Variants in FLYWCH2 observed in about 807,000 individuals in gnomAD.
The protein encoded by FLYWCH2 is FLYWCH family member 2.
Under a neutral mutation model 6.0 loss-of-function variants are expected in FLYWCH2, and 2 were observed. The observed-to-expected ratio is 0.33, with a 90% CI of 0.14 to 1.04. The LOEUF is 1.04. Among genes scored for constraint, FLYWCH2 ranks in the 50% least tolerant of loss-of-function variants. The probability of loss-of-function intolerance (pLI) is 0.45; values close to 1 mark genes in which losing one functional copy is unlikely to be tolerated. For synonymous variants in FLYWCH2, 87 were observed against 79.3 expected (o/e 1.10, Z -0.52); for missense variants, 192 against 183.4 (o/e 1.05, Z -0.27).
chr16:2,884,578 T>C lies in FLYWCH2; in HGVS notation c.-200+1212T>C, dbSNP rs7498494. On this transcript the variant is annotated intron_variant, in intron 1 of 3. Coordinates refer to ENST00000396958, the MANE Select transcript of FLYWCH2 (RefSeq NM_138439.3). The stretch of plus-strand genomic sequence containing the variant: ...TCTACTAAAAAAAAAAAAAAAAAAA[T>C]ACAAAAATTAGTCGGGGCCGGCGCG... Among the ~76,000 whole-genome samples the C allele has an allele frequency of 3.0e-3, 203 of 67,002 alleles. 5 individuals are homozygous for C. The highest frequency in any genetic ancestry group is 4.8e-3 in the Non-Finnish European group (173 of 36,076). 44.0% of individuals were successfully genotyped at this position (67,002 alleles called of 152,430 possible).
In FLYWCH2 at chr16:2,896,942, G is replaced by A. The variant is rs1200032946; in HGVS notation, c.322+171G>A. The A allele has an allele frequency of 4.5e-5, 30 of 668,002 alleles. No homozygotes were observed. The South Asian group carries it at 5.0e-4, about 11-fold the overall frequency. 41.4% of individuals were successfully genotyped at this position (668,002 alleles called of 1,614,324 possible). A position where few individuals can be genotyped will look rare whatever the true frequency, so the allele number is the denominator to read the frequency against. ...GGTTAGGGCACAGGCCTGGGCATCC[G>A]CCGACCTCCAACCCTGCCTCTGAGC... On this transcript the variant is annotated intron_variant, in intron 3 of 3. Transcript: ENST00000396958.
In FLYWCH2 at chr16:2,896,428, G is replaced by A. The variant is rs950929901; in HGVS notation, c.-22G>A. ...CTGCTGGGGGCTGAGTGTGGCCTGA[G>A]GGACAGGCCCTGGGTCCCGGGATGC... On this transcript the variant is annotated 5_prime_UTR_variant, in exon 3 of 4. Coordinates refer to ENST00000396958, the MANE Select transcript of FLYWCH2 (RefSeq NM_138439.3). 3 of 1,593,938 alleles carry A rather than the reference G, an allele frequency of 1.9e-6. No individual in the cohort carries two copies. Among genetic ancestry groups the A allele is most frequent in the South Asian group, 2.3e-5 (2 of 88,336 alleles).
chr16:2,899,382 A>G, downstream of FLYWCH2: 1 of 394,880 alleles, frequency 2.5e-6, no homozygotes, highest in Non-Finnish European at 4.5e-6. Flanking sequence ...GGTTTTAAAC[A>G]TCCCAGGCTT....
At chr16:2,895,889 C>T (rs900975564) in intron 2 of FLYWCH2, among the ~76,000 whole-genome samples, 1 of 152,196 alleles carries the variant, frequency 6.6e-6, no homozygotes, top group Non-Finnish European at 1.5e-5. Context: ...GCTCTGTGTC[C>T]ACTCCATCTC....
intron 1 of FLYWCH2, among the ~76,000 whole-genome samples, chr16:2,893,883 C>A (rs1456049537): frequency 6.6e-6 from 1 of 151,948 alleles, no homozygotes; most frequent in Admixed American, 6.6e-5. Context: ...TGTGATCCGC[C>A]CGCCTCGGCC....
At chr16:2,897,020 T>G in intron 3 of FLYWCH2, 1 of 565,658 alleles carries the variant, frequency 1.8e-6, no homozygotes, top group Non-Finnish European at 3.1e-6. Flanking sequence ...GCCTACTGGC[T>G]CCTTCACAAG....
intron 2 of FLYWCH2, 26 bp from the exon 3 acceptor site, chr16:2,896,326 T>G: frequency 7.8e-7 from 1 of 1,285,678 alleles, no homozygotes; most frequent in Non-Finnish European, 1.0e-6. Context: ...CTTCCACCAC[T>G]GACGGGATTT....
intron 1 of FLYWCH2, among the ~76,000 whole-genome samples, chr16:2,884,880 C>G (rs919994203): frequency 7.2e-6 from 1 of 138,772 alleles, no homozygotes; most frequent in Non-Finnish European, 1.6e-5. Flanking sequence ...GTCTAAAAAA[C>G]AAAAACAAAA....
At chr16:2,888,153 T>G (rs2069719455) in intron 1 of FLYWCH2, among the ~76,000 whole-genome samples, 1 of 151,920 alleles carries the variant, frequency 6.6e-6, no homozygotes, top group Admixed American at 6.6e-5. Context: ...TGACTATAGT[T>G]GCATGCCGCC....
chr16:2,891,637 C>G (rs1210543105), intron 1 of FLYWCH2, among the ~76,000 whole-genome samples: 1 of 152,092 alleles, frequency 6.6e-6, no homozygotes, highest in African/African-American at 2.4e-5. Flanking sequence ...GATCTCCTGA[C>G]CTCGTGATCC....
chr16:2,887,258 A>G (rs1052735987), intron 1 of FLYWCH2, among the ~76,000 whole-genome samples: 25 of 143,280 alleles, frequency 1.7e-4, no homozygotes, highest in African/African-American at 6.2e-4. Context: ...CAATCCTTCC[A>G]CCTCAGCTTC....
intron 1 of FLYWCH2, among the ~76,000 whole-genome samples, chr16:2,886,565 C>T (rs151120142): frequency 5.5e-5 from 7 of 126,476 alleles, no homozygotes; most frequent in African/African-American, 1.6e-4. Context: ...CTTGTTGTCC[C>T]GGCTGGAGTG....
intron 1 of FLYWCH2, among the ~76,000 whole-genome samples, chr16:2,889,203 CCTTTA>C (rs1279217711): frequency 6.0e-5 from 9 of 149,150 alleles, no homozygotes; most frequent in Middle Eastern, 3.5e-3. Flanking sequence ...GTTCTTCTAA[CCTTTA>C]CTTTTTTTTT....
intron 1 of FLYWCH2, among the ~76,000 whole-genome samples, chr16:2,891,294 C>T (rs1234601899): frequency 6.6e-6 from 1 of 152,222 alleles, no homozygotes; most frequent in African/African-American, 2.4e-5. Context: ...TTTCCTGACT[C>T]AGGTCCCAGG....
Position 2,899,054 on chromosome 16 carries a change from GACAGA to G in FLYWCH2, c.335_339del (p.Thr112ArgfsTer10). The G allele has an allele frequency of 6.2e-7, 1 of 1,612,844 alleles. No individual in the cohort carries two copies. The stretch of plus-strand genomic sequence containing the variant: ...TCCACCCTCTTCTCTCGCAGGCACA[GACAGA>G]ACAGAAGACAGTGGATTAGCAGCGG... On this transcript the variant is annotated frameshift_variant, in exon 4 of 4. Coordinates refer to ENST00000396958, the MANE Select transcript of FLYWCH2 (RefSeq NM_138439.3). LOFTEE classifies it low-confidence loss of function (END_TRUNC).
chr16:2,895,002 G>C (rs1231346444), intron 1 of FLYWCH2, among the ~76,000 whole-genome samples: 1 of 152,138 alleles, frequency 6.6e-6, no homozygotes, highest in African/African-American at 2.4e-5. Flanking sequence ...CCTGGACAGG[G>C]GGCTAGGTGG....
rs529293687 is a variant in FLYWCH2 at position 2,883,553 on chromosome 16, C to T, written c.-200+187C>T. ...TGCCTCTCGCCCCTCCTTCCCCACC[C>T]CCTCCAGTCCCTTGTCCAAAGCCTC... On this transcript the variant is annotated intron_variant, in intron 1 of 3. Transcript: ENST00000396958. Among the ~76,000 whole-genome samples the T allele has an allele frequency of 3.3e-5, 5 of 152,274 alleles. No individual in the cohort carries two copies. The South Asian group carries it at 8.3e-4, about 25-fold the overall frequency.
chr16:2,892,365 G>A (rs985138646), intron 1 of FLYWCH2, among the ~76,000 whole-genome samples: 1 of 151,588 alleles, frequency 6.6e-6, no homozygotes, highest in African/African-American at 2.4e-5. Context: ...GCATGGTGGT[G>A]CACACCAGTA....
intron 1 of FLYWCH2, among the ~76,000 whole-genome samples, chr16:2,894,569 G>T (rs1009037503): frequency 6.6e-6 from 1 of 152,240 alleles, no homozygotes; most frequent in Non-Finnish European, 1.5e-5. Context: ...GATGAGCAGA[G>T]CCGGAAGGGC....
Sources: allele counts gnomAD v4.1 joint callset (sites outside exome capture counted in the v4.1 genomes callset), GRCh38; gene constraint gnomAD v4.1.1; transcripts MANE v1.5; gene names NCBI Gene and HGNC (gene_info 2026-07-23, HGNC 2026-07-21).